The following CRYGC variants were observed in gnomAD, a reference collection of about 807,000 sequenced individuals.
CRYGC encodes the protein gamma-crystallin C.
CRYGC carries 14 observed loss-of-function variants against 21.9 expected under a neutral mutation model. The observed-to-expected ratio is 0.64, with a 90% CI of 0.42 to 1.00. CRYGC has a LOEUF of 1.00. Among genes scored for constraint, CRYGC ranks in the 50% least tolerant of loss-of-function variants. CRYGC has a pLI of 0.00. For missense variants in CRYGC, 235 were observed against 234.2 expected, an observed-to-expected ratio of 1.00 and a Z score of -0.02; for synonymous variants, 96 against 89.8, an observed-to-expected ratio of 1.07 and a Z score of -0.39.
Position 208,128,385 on chromosome 2 carries a change from G to C in CRYGC, c.343C>G (p.Arg115Gly), listed in dbSNP as rs376626721. The C allele has an allele frequency of 6.2e-7, 1 of 1,614,044 alleles. No homozygotes were observed. The highest frequency in any genetic ancestry group is 1.1e-5 in the South Asian group (1 of 91,074). ...LSEDCPSIQD[R>G]FHLSEIRSLH... ...GAACGGATCTCGCTGAGGTGGAAGC[G>C]GTCCTGGATGCTGGGGCAGTCTTCA... The change falls in exon 3 of 3, where the codon CGC becomes GGC. Residue 115 changes from arginine to glycine, a missense_variant. Physicochemically the swap from Arg to Gly is moderately radical, Grantham distance 125. Transcript: ENST00000282141.
At chr2:208,129,747 C>CT (rs762551366) in intron 1 of CRYGC, 37 bp downstream of exon 1, 41 of 1,614,080 alleles carry the variant, frequency 2.5e-5, no homozygotes, top group South Asian at 1.9e-4. Flanking sequence ...ATAAAGGCAA[C>CT]TTTTTTTTCA....
intron 2 of CRYGC, among the ~76,000 whole-genome samples, chr2:208,129,209 C>G (rs1695051316): frequency 6.6e-6 from 1 of 152,198 alleles, no homozygotes; most frequent in Admixed American, 6.5e-5. Flanking sequence ...TTACAGACCT[C>G]TTTTAATTGA....
rs767818146 is a variant in CRYGC, at chr2:208,129,515, G to T, written c.178C>A (p.Arg60=). ...TGCTGGTAGTCGGGGTACTCCCCTC[G>T]CCGCAGCAAGTATTGTTGACCTTGG... ...NYQGQQYLLR[R]GEYPDYQQWM... Residue 60 remains arginine (R), a synonymous_variant, in exon 2 of 3, where the codon CGA becomes AGA. Transcript: ENST00000282141. The T allele has an allele frequency of 4.6e-5, 75 of 1,614,040 alleles. No homozygotes were observed. Among genetic ancestry groups the T allele is most frequent in the Non-Finnish European group, 6.1e-5 (72 of 1,180,054 alleles).
At chr2:208,129,311 T>C (rs947057328) in intron 2 of CRYGC, 130 bp downstream of exon 2, 1 of 1,295,016 alleles carries the variant, frequency 7.7e-7, no homozygotes, top group Non-Finnish European at 1.1e-6. Flanking sequence ...ATGTTATCTA[T>C]CTGGCTTATT....
intron 2 of CRYGC, 101 bp downstream of exon 2, chr2:208,129,340 C>G: frequency 1.3e-6 from 2 of 1,523,338 alleles, no homozygotes; most frequent in Non-Finnish European, 1.8e-6. Context: ...TGATGTCCAT[C>G]TAACCCTTAG....
intron 2 of CRYGC, 36 bp downstream of exon 2, chr2:208,129,405 G>T: frequency 1.9e-6 from 3 of 1,611,098 alleles, no homozygotes; most frequent in Non-Finnish European, 2.5e-6. Flanking sequence ...ATACAGTGGG[G>T]ACTCTGGCGG....
In CRYGC at chr2:208,128,399, G is replaced by C. The variant is rs1394627009; in HGVS notation, c.329C>G (p.Pro110Arg). The C allele has an allele frequency of 1.2e-6, 2 of 1,614,154 alleles. No individual in the cohort carries two copies. Among genetic ancestry groups the C allele is most frequent in the Admixed American group, 1.7e-5 (1 of 60,024 alleles). Residue 110 changes from proline to arginine, a missense_variant, in exon 3 of 3, where the codon CCC becomes CGC. Transcript: ENST00000282141. ...GLMMELSEDC[P>R]SIQDRFHLSE... Reference sequence around the variant, plus strand: ...GAGGTGGAAGCGGTCCTGGATGCTGGGGCAGTCTTCACTCAGCTCCATCAT... The same window carrying C: ...GAGGTGGAAGCGGTCCTGGATGCTGCGGCAGTCTTCACTCAGCTCCATCAT...
rs1466330003 is a variant in CRYGC at position 208,128,393 on chromosome 2, A to G, written c.335T>C (p.Ile112Thr). Residue 112 changes from isoleucine to threonine, a missense_variant, in exon 3 of 3, where the codon ATC becomes ACC. By Grantham distance (89) the Ile-to-Thr change is moderately conservative (BLOSUM62 -1). Coordinates refer to ENST00000282141, the MANE Select transcript of CRYGC (RefSeq NM_020989.4). ...CTCGCTGAGGTGGAAGCGGTCCTGG[A>G]TGCTGGGGCAGTCTTCACTCAGCTC... ...MMELSEDCPS[I>T]QDRFHLSEIR... 6.2e-7 allele frequency: 1 copy of G among 1,614,082 alleles called. No homozygotes were observed. The highest frequency in any genetic ancestry group is 1.1e-5 in the South Asian group (1 of 91,070).
chr2:208,129,598 C>G lies in CRYGC; in HGVS notation c.95G>C (p.Arg32Pro). 6.2e-7 allele frequency: 1 copy of G among 1,614,236 alleles called. No homozygotes were observed. Among genetic ancestry groups the G allele is most frequent in the Non-Finnish European group, 8.5e-7 (1 of 1,180,050 alleles). The stretch of plus-strand genomic sequence containing the variant: ...GCTCTCCACCCGGATGGAGTTGCAG[C>G]GGCTGAAATACGGCTGCAGGTTGGG... ...DCPNLQPYFS[R>P]CNSIRVESGC... The change falls in exon 2 of 3, where the codon CGC (arginine) becomes CCC (proline). Residue 32 changes from arginine to proline, a missense_variant. Coordinates refer to ENST00000282141, the MANE Select transcript of CRYGC (RefSeq NM_020989.4).
At chr2:208,128,907 A>T (rs969443584) in intron 2 of CRYGC, among the ~76,000 whole-genome samples, 4 of 152,224 alleles carry the variant, frequency 2.6e-5, no homozygotes, top group Non-Finnish European at 5.9e-5. Flanking sequence ...AGTAAGATTT[A>T]AAAAATCTTG....
chr2:208,128,180 G>A lies in CRYGC; in HGVS notation c.*23C>T, dbSNP rs541988048. On this transcript the variant is annotated 3_prime_UTR_variant, in exon 3 of 3. Coordinates refer to ENST00000282141, the MANE Select transcript of CRYGC (RefSeq NM_020989.4). ...AAATATTTATTAGGTTCCAAAATGGGAAATTGGTAGTGTTAAGCTATTTTA... is the reference window on the plus strand; with the variant it reads ...AAATATTTATTAGGTTCCAAAATGGAAAATTGGTAGTGTTAAGCTATTTTA... 1.9e-6 allele frequency: 3 copies of A among 1,614,068 alleles called. No individual in the cohort carries two copies. The highest frequency in any genetic ancestry group is 2.7e-5 in the African/African-American group (2 of 74,934).
Position 208,129,679 on chromosome 2 carries a change from G to A in CRYGC, c.14C>T (p.Thr5Ile). 1 of 1,614,242 alleles carries A rather than the reference G, an allele frequency of 6.2e-7. No individual in the cohort carries two copies. The highest frequency in any genetic ancestry group is 8.5e-7 in the Non-Finnish European group (1 of 1,180,042). Residue 5 changes from threonine (T) to isoleucine (I), a missense_variant, in exon 2 of 3, where the codon ACC becomes ATC. Thr to Ile is a moderately conservative substitution (Grantham distance 89, BLOSUM62 -1). Coordinates refer to ENST00000282141, the MANE Select transcript of CRYGC (RefSeq NM_020989.4). ...CTGGAAGGCCCTGTCCTCATAGAAG[G>A]TGATCTGCAAAGGAAGAATCGTTCC... The part of the protein sequence containing the change: MGKI[T>I]FYEDRAFQGR...
rs541988048 is a variant in CRYGC, at chr2:208,128,180, G to T, written c.*23C>A. The T allele has an allele frequency of 9.3e-6, 15 of 1,614,184 alleles. 1 individual carries two copies. In the South Asian group the frequency reaches 1.5e-4, roughly 17 times the overall value. On this transcript the variant is annotated 3_prime_UTR_variant, in exon 3 of 3. Transcript: ENST00000282141. The stretch of plus-strand genomic sequence containing the variant: ...AAATATTTATTAGGTTCCAAAATGG[G>T]AAATTGGTAGTGTTAAGCTATTTTA...
Position 208,129,683 on chromosome 2 carries a change from T to C in CRYGC, c.10A>G (p.Ile4Val), listed in dbSNP as rs1695067556. 5 of 1,614,244 alleles carry C rather than the reference T, an allele frequency of 3.1e-6. No individual in the cohort carries two copies. The highest frequency in any genetic ancestry group is 4.2e-6 in the Non-Finnish European group (5 of 1,180,038). MGK[I>V]TFYEDRAFQG... ...AAGGCCCTGTCCTCATAGAAGGTGA[T>C]CTGCAAAGGAAGAATCGTTCCGAAT... Residue 4 changes from isoleucine to valine, a missense_variant and splice_region_variant, in exon 2 of 3, where the codon ATC (isoleucine) becomes GTC (valine). Physicochemically the swap from Ile to Val is conservative, Grantham distance 29. Coordinates refer to ENST00000282141, the MANE Select transcript of CRYGC (RefSeq NM_020989.4).
At chr2:208,128,521 C>T in intron 2 of CRYGC, 46 bp from the exon 3 acceptor site, 1 of 1,611,848 alleles carries the variant, frequency 6.2e-7, no homozygotes, top group Non-Finnish European at 8.5e-7. Context: ...AAATGAGTCT[C>T]TTCCAGAATT....
In CRYGC at chr2:208,129,455, A is replaced by C. The variant is rs754845940; in HGVS notation, c.238T>G (p.Cys80Gly). The change falls in exon 2 of 3, where the codon TGT (cysteine) becomes GGT (glycine). Residue 80 changes from cysteine (C) to glycine (G), a missense_variant. Cys to Gly is a radical substitution (Grantham distance 159). Coordinates refer to ENST00000282141, the MANE Select transcript of CRYGC (RefSeq NM_020989.4). ...MGLSDSIRSC[C>G]LIPQTVSHRL... ...AGAAAACTCACTTGGGGGATGAGACAACAGGAGCGGATGGAGTCGCTGAGG... is the reference window on the plus strand; with the variant it reads ...AGAAAACTCACTTGGGGGATGAGACCACAGGAGCGGATGGAGTCGCTGAGG... 1.2e-6 allele frequency: 2 copies of C among 1,613,338 alleles called. No homozygotes were observed. Among genetic ancestry groups the C allele is most frequent in the South Asian group, 2.2e-5 (2 of 91,048 alleles).
Position 208,128,449 on chromosome 2 carries a change from G to A in CRYGC, c.279C>T (p.Tyr93=), listed in dbSNP as rs201175827. Residue 93 remains tyrosine (Y), a synonymous_variant, in exon 3 of 3, where the codon TAC becomes TAT. Transcript: ENST00000282141. ...TGAGGCCTTTGTGGTCTTCCCTCTC[G>A]TACAGCCGCAGCCTGTGGGAGACTG... ...PQTVSHRLRL[Y]EREDHKGLMM... 8.1e-6 allele frequency: 13 copies of A among 1,614,118 alleles called. No individual in the cohort carries two copies. The highest frequency in any genetic ancestry group is 4.5e-5 in the East Asian group (2 of 44,872).
At position 208,129,584 on chromosome 2, in the gene CRYGC, G is replaced by A. The variant is rs1040762144; in HGVS notation, c.109C>T (p.Arg37Trp). 28 of 1,614,086 alleles carry A rather than the reference G, an allele frequency of 1.7e-5. No individual in the cohort carries two copies. Among genetic ancestry groups the A allele is most frequent in the Admixed American group, 6.7e-5 (4 of 60,008 alleles). ...QPYFSRCNSI[R>W]VESGCWMLYE... ...AGCATCCAGCAGCCGCTCTCCACCC[G>A]GATGGAGTTGCAGCGGCTGAAATAC... The change falls in exon 2 of 3, where the codon CGG (arginine) becomes TGG (tryptophan). Residue 37 changes from arginine to tryptophan, a missense_variant. Arg to Trp is a moderately radical substitution (Grantham distance 101, BLOSUM62 -3). Transcript: ENST00000282141.
chr2:208,129,328 T>G, intron 2 of CRYGC, 113 bp downstream of exon 2: 1 of 1,450,676 alleles, frequency 6.9e-7, no homozygotes, highest in South Asian at 1.3e-5. Flanking sequence ...TATTCAGGTC[T>G]CTGATGTCCA....
Sources: gnomAD v4.1 joint callset for allele counts (sites outside exome capture counted in the v4.1 genomes callset) on GRCh38, gnomAD v4.1.1 for gene constraint, MANE v1.5 for transcripts, NCBI Gene and HGNC (gene_info 2026-07-23, HGNC 2026-07-21) for gene names.